Variants in DPEP2 observed in about 807,000 individuals in gnomAD.
The protein encoded by DPEP2 is dipeptidase 2.
A neutral mutation model predicts 51.8 loss-of-function variants in DPEP2; 45 were observed. The ratio of observed to expected loss-of-function variants is 0.87; its 90% confidence interval spans 0.68 to 1.11. The LOEUF (loss-of-function observed/expected upper bound fraction) is 1.11, where lower values mean the gene tolerates loss of function less well. Ranked by LOEUF, DPEP2 falls within the 50% of genes most tolerant of loss-of-function variation. DPEP2 has a pLI of 0.00. For missense variants in DPEP2, 604 were observed against 631.9 expected (o/e 0.96, Z 0.47); for synonymous variants, 255 against 262.7 (o/e 0.97, Z 0.28).
chr16:67,993,877 C>T, intron 1 of DPEP2: 2 of 985,448 alleles, frequency 2.0e-6, no homozygotes, highest in African/African-American at 1.7e-5. Context: ...TAACTTAGGC[C>T]CTCAAGCCTA....
chr16:67,992,756 A>AT, intron 2 of DPEP2, 120 bp from the exon 3 acceptor site: 6 of 1,520,226 alleles, frequency 3.9e-6, no homozygotes, highest in Non-Finnish European at 5.3e-6. Context: ...CTATACTGAG[A>AT]TCCCCTGAGG....
Position 67,987,729 on chromosome 16 carries a change from A to G in DPEP2, c.1238T>C (p.Leu413Ser), listed in dbSNP as rs1351110750. 2 of 1,613,806 alleles carry G rather than the reference A, an allele frequency of 1.2e-6. No individual in the cohort carries two copies. Among genetic ancestry groups the G allele is most frequent in the South Asian group, 2.2e-5 (2 of 91,084 alleles). Reference sequence around the variant, plus strand: ...CTGCTCATCCGGGAACTTGTCCTCCAAGGGGCTTTGCCATTTGTTTTCTTC... The same window carrying G: ...CTGCTCATCCGGGAACTTGTCCTCCGAGGGGCTTTGCCATTTGTTTTCTTC... The part of the protein sequence containing the change: ...VQEENKWQSP[L>S]EDKFPDEQLS... Residue 413 changes from leucine to serine, a missense_variant, in exon 11 of 11, where the codon TTG (leucine) becomes TCG (serine). Physicochemically the swap from Leu to Ser is moderately radical, Grantham distance 145. Transcript: ENST00000393847.
chr16:68,000,343 T>C (rs968226001), upstream of DPEP2: 7 of 697,338 alleles, frequency 1.0e-5, no homozygotes, highest in Non-Finnish European at 1.2e-5. Context: ...TCATCTCCAG[T>C]GTATTTCAAG....
upstream of DPEP2, among the ~76,000 whole-genome samples, chr16:67,999,965 TC>T (rs1242060963): frequency 7.2e-5 from 11 of 152,304 alleles, no homozygotes; most frequent in African/African-American, 2.6e-4. Context: ...CCGTGGCTTC[TC>T]ATTGCAGAAA....
Position 67,991,112 on chromosome 16 carries a change from C to T in DPEP2, c.732+3G>A. 2.5e-6 allele frequency: 4 copies of T among 1,614,222 alleles called. No individual in the cohort carries two copies. Among genetic ancestry groups the T allele is most frequent in the East Asian group, 2.2e-5 (1 of 44,874 alleles). On this transcript the variant is annotated splice_donor_region_variant and intron_variant, in intron 6 of 10. Transcript: ENST00000393847. This position sits in a 1 kb window ranked among gnomAD's most constrained non-coding sequence, Gnocchi z 5.1. ...GGGGTGGAGTGTGAACCAGGGTCCTCACCTCACCAAAGTCAGTCAGCCCGC... is the reference window on the plus strand; with the variant it reads ...GGGGTGGAGTGTGAACCAGGGTCCTTACCTCACCAAAGTCAGTCAGCCCGC...
At chr16:67,990,524 C>T (rs555509438) in intron 7 of DPEP2, among the ~76,000 whole-genome samples, 193 of 152,140 alleles carry the variant, frequency 1.3e-3, no homozygotes, top group Non-Finnish European at 2.2e-3. Context: ...AGTGCTGTGG[C>T]GTGATCTTGG....
Position 67,992,527 on chromosome 16 carries a change from C to T in DPEP2, c.373G>A (p.Gly125Ser). 6.2e-7 allele frequency: 1 copy of T among 1,612,160 alleles called. No homozygotes were observed. The highest frequency in any genetic ancestry group is 1.1e-5 in the South Asian group (1 of 90,996). The change falls in exon 3 of 11, where the codon GGC becomes AGC. Residue 125 changes from glycine (G) to serine (S), a missense_variant. By Grantham distance (56) the Gly-to-Ser change is moderately conservative (BLOSUM62 0). Transcript: ENST00000393847. ...GQTSLDRLRDGLVGAQFWSAY... is the reference protein window; with the variant it reads ...GQTSLDRLRDSLVGAQFWSAY... ...TGTGGTACCTGGGCGCCCACGAGGC[C>T]ATCTCTAAGCCTGTCCAGGCTGGTC...
At chr16:68,000,165 G>C (rs2032941666), upstream of DPEP2, among the ~76,000 whole-genome samples, 1 of 152,166 alleles carries the variant, frequency 6.6e-6, no homozygotes, top group Non-Finnish European at 1.5e-5. Flanking sequence ...GCAAGGCCAG[G>C]ATAGGAAATC....
chr16:68,000,296 C>T (rs1431834001), upstream of DPEP2, among the ~76,000 whole-genome samples: 3 of 152,132 alleles, frequency 2.0e-5, no homozygotes, highest in East Asian at 1.9e-4. Context: ...GCTCCAAGGA[C>T]CAAACTTATT....
In DPEP2 at chr16:67,991,611, TAA is replaced by T; in HGVS notation, c.662+225_662+226del. ...CAGGCTGGTCTCGAACTCCTGGCCT[TAA>T]GTTATCTGTCCGCCTCAGCCTCCCA... On this transcript the variant is annotated intron_variant, in intron 5 of 10. Transcript: ENST00000393847. This position sits in a 1 kb window ranked among gnomAD's most constrained non-coding sequence, Gnocchi z 5.1. The T allele has an allele frequency of 1.6e-6, 1 of 618,828 alleles. No homozygotes were observed. 38.3% of individuals were successfully genotyped at this position (618,828 alleles called of 1,614,324 possible).
chr16:67,994,572 A>G (rs2032557772), intron 1 of DPEP2: 1 of 985,334 alleles, frequency 1.0e-6, no homozygotes, highest in Admixed American at 6.1e-5. Flanking sequence ...CAGGCTCTCA[A>G]GACTCTGCTC....
chr16:67,990,009 A>G (rs1437078962), intron 8 of DPEP2, 38 bp downstream of exon 8: 15 of 1,610,712 alleles, frequency 9.3e-6, no homozygotes, highest in Non-Finnish European at 1.2e-5. Flanking sequence ...TTCAGGTGCA[A>G]ATCAGAACTG....
chr16:67,999,778 A>T (rs555934141), upstream of DPEP2: 1 of 152,298 alleles, frequency 6.6e-6, no homozygotes, highest in East Asian at 1.9e-4. Context: ...AAAGTGGTGC[A>T]TGCCTGTGGT....
chr16:67,988,607 A>C (rs980611858), intron 9 of DPEP2, among the ~76,000 whole-genome samples: 6 of 151,232 alleles, frequency 4.0e-5, no homozygotes, highest in African/African-American at 1.5e-4. Flanking sequence ...TGTCTCAAAA[A>C]AAAAAAAAAG....
At chr16:67,990,751 A>G in intron 7 of DPEP2, 70 bp downstream of exon 7, 1 of 1,536,464 alleles carries the variant, frequency 6.5e-7, no homozygotes, top group Non-Finnish European at 8.9e-7. Context: ...GGTGTGAGCC[A>G]CCATGCCTGG....
At chr16:67,989,436 C>CT (rs1453345656) in intron 8 of DPEP2, 38 bp from the exon 9 acceptor site, 1 of 1,609,994 alleles carries the variant, frequency 6.2e-7, no homozygotes, top group South Asian at 1.1e-5. Context: ...CTGCGTAGGG[C>CT]TTCCAGGGCA....
chr16:67,999,967 A>G (rs757739781), upstream of DPEP2, among the ~76,000 whole-genome samples: 4 of 152,136 alleles, frequency 2.6e-5, no homozygotes, highest in African/African-American at 4.8e-5. Context: ...GTGGCTTCTC[A>G]TTGCAGAAAT....
Position 67,987,873 on chromosome 16 carries a change from C to G in DPEP2, c.1185G>C (p.Arg395=), listed in dbSNP as rs139673001. The change falls in exon 10 of 11, where the codon CGG becomes CGC. Residue 395 remains arginine (R), a synonymous_variant. Transcript: ENST00000393847. The stretch of plus-strand genomic sequence containing the variant: ...GTACCTTTTCCACTTGTCTGAAGAC[C>G]CGCAGCAGGTTTCCACGAAGGACAC... ...LQGVLRGNLL[R]VFRQVEKVQE... The G allele has an allele frequency of 9.3e-6, 15 of 1,614,068 alleles. No individual in the cohort carries two copies. The highest frequency in any genetic ancestry group is 1.2e-5 in the Non-Finnish European group (14 of 1,180,044).
chr16:67,996,302 G>A (rs2151389439), intron 1 of DPEP2, among the ~76,000 whole-genome samples: 1 of 151,866 alleles, frequency 6.6e-6, no homozygotes, highest in East Asian at 1.9e-4. Context: ...GAAGGGGTAG[G>A]TAGGAATAAA....
Sources: gnomAD v4.1 joint callset for allele counts (sites outside exome capture counted in the v4.1 genomes callset) on GRCh38, gnomAD v4.1.1 for gene constraint, Gnocchi (gnomAD v3.1) non-coding constraint, MANE v1.5 for transcripts, NCBI Gene and HGNC (gene_info 2026-07-23, HGNC 2026-07-21) for gene names.